The following PDE1C variants were observed in gnomAD, a reference collection of about 807,000 sequenced individuals.
The protein encoded by PDE1C is phosphodiesterase 1C.
PDE1C carries 62 observed loss-of-function variants against 93.1 expected under a neutral mutation model. The ratio of observed to expected loss-of-function variants is 0.67; its 90% CI spans 0.54 to 0.82. The LOEUF is 0.82. Among genes scored for constraint, PDE1C ranks in the 40% least tolerant of loss-of-function variants. The pLI is 0.00. For synonymous variants in PDE1C, 325 were observed against 310.1 expected (o/e 1.05, Z -0.50); for missense variants, 742 against 884.6 (o/e 0.84, Z 2.04).
chr7:32,057,298 A>G (rs189304896), intron 1 of PDE1C, among the ~76,000 whole-genome samples: 3 of 152,200 alleles, frequency 2.0e-5, no homozygotes, highest in African/African-American at 7.2e-5. Flanking sequence ...TTAGCTCTTA[A>G]GTAAATTAAA....
the PDE1C span, chr7:31,695,727 T>C: frequency 1.2e-5 from 14 of 1,152,172 alleles, no homozygotes; most frequent in Non-Finnish European, 9.8e-6. Flanking sequence ...TTAAAGTAAT[T>C]TGTGCACTCC....
At chr7:31,633,496 G>A in the PDE1C span, among the ~76,000 whole-genome samples, 8 of 152,308 alleles carry the variant, frequency 5.3e-5, no homozygotes, top group Non-Finnish European at 7.4e-5. Context: ...GAGAGGTTTT[G>A]TTTGTTCTAC....
At chr7:31,839,736 G>A (rs569391384) in intron 9 of PDE1C, among the ~76,000 whole-genome samples, 1 of 152,194 alleles carries the variant, frequency 6.6e-6, no homozygotes, top group Admixed American at 6.5e-5. Context: ...AGACAGCTGA[G>A]TGTTTATAAG....
intron 1 of PDE1C, among the ~76,000 whole-genome samples, chr7:32,218,506 G>C (rs1365617671): frequency 6.6e-6 from 1 of 152,218 alleles, no homozygotes; most frequent in Non-Finnish European, 1.5e-5. Context: ...CACACAGACA[G>C]AGGGAAAATC....
intron 1 of PDE1C, among the ~76,000 whole-genome samples, chr7:32,304,709 G>A (rs1187203147): frequency 6.6e-6 from 1 of 152,060 alleles, no homozygotes; most frequent in East Asian, 1.9e-4. Flanking sequence ...TAGCCTCTCT[G>A]AGTCTTAGTT....
intron 11 of PDE1C, among the ~76,000 whole-genome samples, chr7:31,829,801 T>C (rs184188767): frequency 6.0e-4 from 92 of 152,316 alleles, no homozygotes; most frequent in African/African-American, 2.2e-3. Context: ...GATTTCCTCC[T>C]GAGTGATTTC....
At chr7:31,647,341 T>C in the PDE1C span, among the ~76,000 whole-genome samples, 1 of 151,956 alleles carries the variant, frequency 6.6e-6, no homozygotes, top group East Asian at 1.9e-4. Context: ...CAAGTGAAGA[T>C]TATAAGCAGA....
At chr7:31,863,639 C>T (rs1438413284) in intron 7 of PDE1C, among the ~76,000 whole-genome samples, 1 of 152,040 alleles carries the variant, frequency 6.6e-6, no homozygotes, top group Non-Finnish European at 1.5e-5. Flanking sequence ...TAAGGAAGAA[C>T]TGAAAAAATG....
the PDE1C span, among the ~76,000 whole-genome samples, chr7:31,681,053 C>G: frequency 8.5e-5 from 13 of 152,164 alleles, no homozygotes; most frequent in Non-Finnish European, 1.5e-4. Context: ...GGGGGAAATG[C>G]TATCATTGAG....
chr7:32,371,270 C>T (rs1465877254), intron 1 of PDE1C, among the ~76,000 whole-genome samples: 1 of 152,212 alleles, frequency 6.6e-6, no homozygotes, highest in Non-Finnish European at 1.5e-5. Flanking sequence ...AATATCACTT[C>T]CTCAGGGAAA....
the PDE1C span, among the ~76,000 whole-genome samples, chr7:31,705,195 A>T: frequency 6.6e-6 from 1 of 152,178 alleles, no homozygotes; most frequent in Non-Finnish European, 1.5e-5. Flanking sequence ...CTGAAATCCC[A>T]GGAACTTTTG....
chr7:31,618,122 C>G, the PDE1C span, among the ~76,000 whole-genome samples: 3 of 152,182 alleles, frequency 2.0e-5, no homozygotes, highest in Admixed American at 6.5e-5. Flanking sequence ...TGGTGCCCAT[C>G]ATTGTGATAG....
At chr7:32,285,879 C>T (rs1050076933) in intron 1 of PDE1C, among the ~76,000 whole-genome samples, 5 of 151,976 alleles carry the variant, frequency 3.3e-5, no homozygotes, top group African/African-American at 9.6e-5. Flanking sequence ...TAAGTCCAAG[C>T]GTTTGCCAAC....
chr7:32,343,286 G>T (rs6977362), intron 1 of PDE1C, among the ~76,000 whole-genome samples: 2,082 of 152,294 alleles, frequency 0.014, 52 homozygotes, highest in African/African-American at 0.047. Context: ...GGACACCAAC[G>T]CTTGGAGAAC....
chr7:31,792,140 C>T (rs1449819189), intron 16 of PDE1C, among the ~76,000 whole-genome samples: 2 of 152,062 alleles, frequency 1.3e-5, no homozygotes, highest in African/African-American at 4.8e-5. Context: ...CTGGCCTTCC[C>T]AAACACATGC....
At chr7:31,656,923 A>G in the PDE1C span, among the ~76,000 whole-genome samples, 37 of 151,636 alleles carry the variant, frequency 2.4e-4, no homozygotes, top group Non-Finnish European at 7.4e-5. Context: ...TCTTCAGTGC[A>G]TGATGAACAA....
chr7:31,675,061 G>A, the PDE1C span, among the ~76,000 whole-genome samples: 3 of 152,182 alleles, frequency 2.0e-5, no homozygotes, highest in African/African-American at 7.2e-5. Flanking sequence ...ACCATAGAGA[G>A]CCCCACTGGT....
chr7:31,983,630 T>C (rs1324301555), intron 2 of PDE1C, among the ~76,000 whole-genome samples: 1 of 151,804 alleles, frequency 6.6e-6, no homozygotes, highest in East Asian at 1.9e-4. Flanking sequence ...AAAATAATAA[T>C]TTTTTTTAAA....
At chr7:31,875,016 G>A (rs1438215033) in intron 5 of PDE1C, among the ~76,000 whole-genome samples, 3 of 152,206 alleles carry the variant, frequency 2.0e-5, no homozygotes, top group Non-Finnish European at 4.4e-5. Context: ...TATGTGCTGT[G>A]ACCCAGGCCT....
Sources: allele counts gnomAD v4.1 joint callset (sites outside exome capture counted in the v4.1 genomes callset), GRCh38; gene constraint gnomAD v4.1.1; transcripts MANE v1.5; gene names NCBI Gene and HGNC (gene_info 2026-07-23, HGNC 2026-07-21).